Variants in RANBP2 observed in about 807,000 individuals in gnomAD.
The protein encoded by RANBP2 is RAN binding protein 2, also known as E3 SUMO-protein ligase RanBP2.
In RANBP2, 57 loss-of-function variants were observed where a neutral mutation model predicts 303.6. The observed-to-expected ratio is 0.19, with a 90% confidence interval of 0.15 to 0.23. The LOEUF is 0.23. Ranked by LOEUF, RANBP2 falls within the 10% of genes least tolerant of loss-of-function variation. RANBP2 has a pLI of 1.00. For missense variants in RANBP2, 3,138 were observed against 3,780.8 expected, an observed-to-expected ratio of 0.83 and a Z score of 4.46; for synonymous variants, 1,167 against 1,301.5, an observed-to-expected ratio of 0.90 and a Z score of 2.23.
chr2:108,861,472 C>CTT, the RANBP2 span, among the ~76,000 whole-genome samples: 2,479 of 123,048 alleles, frequency 0.02, 557 homozygotes, highest in African/African-American at 0.082. Context: ...AACTTTCTTC[C>CTT]TTTTTTTTTT....
chr2:109,302,096 T>C, the RANBP2 span, among the ~76,000 whole-genome samples: 4 of 152,218 alleles, frequency 2.6e-5, no homozygotes, highest in Non-Finnish European at 4.4e-5. Flanking sequence ...CTCCTCCCAC[T>C]GCAATCGATA....
the RANBP2 span, among the ~76,000 whole-genome samples, chr2:108,821,928 C>CAA: frequency 0.017 from 2,170 of 130,752 alleles, 31 homozygotes; most frequent in South Asian, 0.03. Context: ...AACTTTGTCT[C>CAA]AAAAAAAAAA....
the RANBP2 span, among the ~76,000 whole-genome samples, chr2:109,259,219 T>G: frequency 2.0e-5 from 3 of 152,130 alleles, no homozygotes. Context: ...CCTTCATGGG[T>G]CGGATTAAAG....
the RANBP2 span, among the ~76,000 whole-genome samples, chr2:109,298,933 C>T: frequency 6.6e-6 from 1 of 152,208 alleles, no homozygotes; most frequent in Non-Finnish European, 1.5e-5. Flanking sequence ...CCCAGTGCCT[C>T]CCATCACTGT....
chr2:109,050,509 C>T, the RANBP2 span, among the ~76,000 whole-genome samples: 1 of 152,168 alleles, frequency 6.6e-6, no homozygotes, highest in South Asian at 2.1e-4. Flanking sequence ...CCTGTCTCGG[C>T]CTCCCATAGT....
chr2:108,860,366 A>G, the RANBP2 span, among the ~76,000 whole-genome samples: 1 of 152,086 alleles, frequency 6.6e-6, no homozygotes, highest in African/African-American at 2.4e-5. Flanking sequence ...GGACTTTAGT[A>G]CTTTGTTGAA....
At chr2:109,042,931 A>G in the RANBP2 span, among the ~76,000 whole-genome samples, 2 of 152,250 alleles carry the variant, frequency 1.3e-5, no homozygotes, top group Admixed American at 6.5e-5. Flanking sequence ...AGTAGTTTCT[A>G]TGCAAGTGCT....
At chr2:109,329,333 A>G in the RANBP2 span, among the ~76,000 whole-genome samples, 3 of 152,244 alleles carry the variant, frequency 2.0e-5, no homozygotes, top group African/African-American at 7.2e-5. Flanking sequence ...AGAGGAAAAG[A>G]CTTTTGCATT....
rs1374309423 is a variant in RANBP2 at position 108,784,155 on chromosome 2, A to C, written c.*254A>C. On this transcript the variant is annotated 3_prime_UTR_variant, in exon 29 of 29. Coordinates refer to ENST00000283195, the MANE Select transcript of RANBP2 (RefSeq NM_006267.5). ...ACTCCTGACGTATTAAAATGGAATAATACTAATCTTGTTAAAAGCAATAGA... is the reference window on the plus strand; with the variant it reads ...ACTCCTGACGTATTAAAATGGAATACTACTAATCTTGTTAAAAGCAATAGA... 2.4e-6 allele frequency: 1 copy of C among 410,210 alleles called. No homozygotes were observed. Among genetic ancestry groups the C allele is most frequent in the Non-Finnish European group, 4.4e-6 (1 of 227,224 alleles). The allele number at this position is 410,210 out of a possible 1,614,324, so 25.4% of individuals were successfully genotyped here. A position where few individuals can be genotyped will look rare whatever the true frequency, so the allele number is the denominator to read the frequency against.
chr2:108,901,503 ATAAAG>A, the RANBP2 span, among the ~76,000 whole-genome samples: 1 of 152,232 alleles, frequency 6.6e-6, no homozygotes. Flanking sequence ...ATTGAAAACT[ATAAAG>A]TAAAAGAGAT....
At chr2:109,320,603 C>T in the RANBP2 span, among the ~76,000 whole-genome samples, 4 of 152,216 alleles carry the variant, frequency 2.6e-5, no homozygotes, top group Admixed American at 2.6e-4. Flanking sequence ...AAACCCTCTG[C>T]TTACTAGGTC....
chr2:109,142,803 C>T, the RANBP2 span, among the ~76,000 whole-genome samples: 7 of 152,234 alleles, frequency 4.6e-5, no homozygotes, highest in East Asian at 1.9e-4. Context: ...ATAGGCTTGT[C>T]GGTAAATGTG....
chr2:108,976,917 AGTCCTG>A, the RANBP2 span, among the ~76,000 whole-genome samples: 1 of 152,040 alleles, frequency 6.6e-6, no homozygotes, highest in African/African-American at 2.4e-5. Flanking sequence ...TTCTCCAAGG[AGTCCTG>A]GTTCCTTTCA....
the RANBP2 span, among the ~76,000 whole-genome samples, chr2:109,382,625 C>T: frequency 6.6e-6 from 1 of 152,182 alleles, no homozygotes; most frequent in Non-Finnish European, 1.5e-5. Context: ...GAACACCGAG[C>T]CCTGTCACAT....
the RANBP2 span, among the ~76,000 whole-genome samples, chr2:109,264,832 G>A: frequency 6.6e-6 from 1 of 152,226 alleles, no homozygotes; most frequent in Non-Finnish European, 1.5e-5. Flanking sequence ...GAGGCTTTCT[G>A]GAGTGTGCTA....
chr2:109,130,044 C>T, the RANBP2 span: 1 of 1,358,686 alleles, frequency 7.4e-7, no homozygotes, highest in East Asian at 3.1e-5. Context: ...TTTTCCTCTC[C>T]GCGGCCGCGG....
At chr2:108,816,035 G>A in the RANBP2 span, 14 of 1,613,782 alleles carry the variant, frequency 8.7e-6, no homozygotes, top group Non-Finnish European at 1.2e-5. Flanking sequence ...GAAGAATCTG[G>A]AATGGATGGT....
At chr2:109,545,397 C>T in the RANBP2 span, 51 of 1,535,126 alleles carry the variant, frequency 3.3e-5, no homozygotes, top group Admixed American at 1.8e-4. Flanking sequence ...CAAACCTACA[C>T]GCCTTGCGAT....
the RANBP2 span, among the ~76,000 whole-genome samples, chr2:109,761,792 ACT>A: frequency 6.9e-6 from 1 of 143,942 alleles, no homozygotes; most frequent in African/African-American, 2.6e-5. Flanking sequence ...TATTAACTGC[ACT>A]CTGTTCTGCC....
Sources: allele counts gnomAD v4.1 joint callset (sites outside exome capture counted in the v4.1 genomes callset), GRCh38; gene constraint gnomAD v4.1.1; transcripts MANE v1.5; gene names NCBI Gene and HGNC (gene_info 2026-07-23, HGNC 2026-07-21).